The following CA10 variants were observed in gnomAD, a reference collection of about 807,000 sequenced individuals.
The protein encoded by CA10 is carbonic anhydrase 10 (inactive).
A neutral mutation model predicts 44.2 loss-of-function variants in CA10; 14 were observed. The observed-to-expected ratio is 0.32, with a 90% CI of 0.21 to 0.50. The LOEUF is 0.50. Ranked by LOEUF, CA10 falls within the 20% of genes least tolerant of loss-of-function variation. The probability of loss-of-function intolerance (pLI) is 0.99; values close to 1 mark genes in which losing one functional copy is unlikely to be tolerated. For synonymous variants in CA10, 159 were observed against 141.6 expected, an observed-to-expected ratio of 1.12 and a Z score of -0.87; for missense variants, 350 against 409.7, an observed-to-expected ratio of 0.85 and a Z score of 1.26.
intron 1 of CA10, among the ~76,000 whole-genome samples, chr17:52,098,278 C>A (rs1988454296): frequency 6.6e-6 from 1 of 152,158 alleles, no homozygotes; most frequent in Admixed American, 6.5e-5. Context: ...TTTATCAAAC[C>A]TCAGTGTGTG....
chr17:51,971,969 G>A (rs1984295180), intron 2 of CA10, among the ~76,000 whole-genome samples: 1 of 151,880 alleles, frequency 6.6e-6, no homozygotes, highest in Admixed American at 6.6e-5. Flanking sequence ...ATTTATCAGA[G>A]TAGTCATTTG....
intron 2 of CA10, among the ~76,000 whole-genome samples, chr17:51,931,698 A>G (rs1041255502): frequency 6.6e-5 from 10 of 152,134 alleles, no homozygotes; most frequent in Non-Finnish European, 1.2e-4. Context: ...TTAGTTCAAC[A>G]CTGTGTCATT....
At chr17:51,827,000 T>A (rs1176985107) in intron 3 of CA10, among the ~76,000 whole-genome samples, 3 of 152,316 alleles carry the variant, frequency 2.0e-5, no homozygotes, top group African/African-American at 7.2e-5. Context: ...ATAAGTGCTA[T>A]CATTTCCTAC....
At chr17:52,112,756 A>G (rs1988813135) in intron 1 of CA10, among the ~76,000 whole-genome samples, 1 of 152,212 alleles carries the variant, frequency 6.6e-6, no homozygotes, top group South Asian at 2.1e-4. Context: ...TATAAACAGC[A>G]AGAACAAATA....
chr17:51,713,228 T>C (rs112222511), intron 4 of CA10, among the ~76,000 whole-genome samples: 108 of 152,324 alleles, frequency 7.1e-4, no homozygotes, highest in Middle Eastern at 3.4e-3. Flanking sequence ...TTGAGCATCA[T>C]TCTTATCATT....
At chr17:51,850,148 T>G (rs1316650841) in intron 3 of CA10, among the ~76,000 whole-genome samples, 1 of 152,168 alleles carries the variant, frequency 6.6e-6, no homozygotes, top group African/African-American at 2.4e-5. Flanking sequence ...CTATGAGAAA[T>G]AAACTTTAGC....
intron 4 of CA10, among the ~76,000 whole-genome samples, chr17:51,658,627 G>A (rs897903915): frequency 2.6e-5 from 4 of 152,172 alleles, no homozygotes; most frequent in African/African-American, 9.7e-5. Context: ...GGATGAAGGT[G>A]GCTCAAGATG....
intron 6 of CA10, among the ~76,000 whole-genome samples, chr17:51,648,727 A>T (rs573110740): frequency 6.6e-6 from 1 of 152,286 alleles, no homozygotes; most frequent in African/African-American, 2.4e-5. Flanking sequence ...CTGAAGAGAG[A>T]TGCTATCCTG....
At chr17:52,133,618 G>A (rs1422795096) in intron 1 of CA10, among the ~76,000 whole-genome samples, 2 of 152,110 alleles carry the variant, frequency 1.3e-5, no homozygotes, top group African/African-American at 4.8e-5. Flanking sequence ...CTATGCATTT[G>A]ACAAATTTTT....
intron 3 of CA10, among the ~76,000 whole-genome samples, chr17:51,916,322 G>A (rs1981994551): frequency 6.6e-6 from 1 of 152,158 alleles, no homozygotes; most frequent in African/African-American, 2.4e-5. Context: ...GCCACTAGAA[G>A]GACTATGGTC....
At chr17:51,962,700 G>A (rs1983937173) in intron 2 of CA10, among the ~76,000 whole-genome samples, 1 of 152,104 alleles carries the variant, frequency 6.6e-6, no homozygotes, top group African/African-American at 2.4e-5. Flanking sequence ...ACCCCACAGG[G>A]AGTGGGGGGA....
chr17:51,717,865 A>ATATATATG (rs1323017133), intron 4 of CA10, among the ~76,000 whole-genome samples: 3 of 59,584 alleles, frequency 5.0e-5, no homozygotes, highest in African/African-American at 1.9e-4. Flanking sequence ...ATATATATAT[A>ATATATATG]TATACAGGAT....
chr17:52,109,260 G>A (rs1053511596), intron 1 of CA10, among the ~76,000 whole-genome samples: 8 of 152,204 alleles, frequency 5.3e-5, no homozygotes, highest in Non-Finnish European at 1.2e-4. Context: ...TTTGCTCTAA[G>A]AGATTTTCGG....
chr17:51,961,797 C>T (rs1983902708), intron 2 of CA10, among the ~76,000 whole-genome samples: 1 of 152,150 alleles, frequency 6.6e-6, no homozygotes, highest in Non-Finnish European at 1.5e-5. Context: ...GGCACTCAAC[C>T]CTTACTGTGC....
intron 4 of CA10, among the ~76,000 whole-genome samples, chr17:51,660,860 C>T (rs1913978927): frequency 6.6e-6 from 1 of 152,150 alleles, no homozygotes; most frequent in Middle Eastern, 3.4e-3. Flanking sequence ...TTTCTTTCAG[C>T]CTCCCTTATA....
chr17:51,668,780 C>T (rs917019755), intron 4 of CA10, among the ~76,000 whole-genome samples: 3 of 152,034 alleles, frequency 2.0e-5, no homozygotes, highest in African/African-American at 2.4e-5. Context: ...GAGAGAGAGG[C>T]GCAGGTGTGA....
At chr17:51,770,104 T>C (rs555374314) in intron 3 of CA10, among the ~76,000 whole-genome samples, 1 of 140,804 alleles carries the variant, frequency 7.1e-6, no homozygotes, top group Non-Finnish European at 1.5e-5. Context: ...GTTAAACCTT[T>C]TAAAAATAGC....
intron 3 of CA10, among the ~76,000 whole-genome samples, chr17:51,831,701 A>AGCG (rs1567854601): frequency 1.2e-5 from 1 of 84,756 alleles, no homozygotes; most frequent in Non-Finnish European, 2.8e-5. Flanking sequence ...CAGCAGCAGC[A>AGCG]GCAGCAGCAG....
chr17:51,930,157 C>A (rs762285023), intron 3 of CA10, among the ~76,000 whole-genome samples: 16 of 152,112 alleles, frequency 1.1e-4, no homozygotes, highest in South Asian at 2.1e-4. Context: ...AAGAATCAGC[C>A]GCTGGTATTA....
Sources: allele counts gnomAD v4.1 joint callset (sites outside exome capture counted in the v4.1 genomes callset), GRCh38; gene constraint gnomAD v4.1.1; transcripts MANE v1.5; gene names NCBI Gene and HGNC (gene_info 2026-07-23, HGNC 2026-07-21).